The following LEPR variants were observed in gnomAD, a reference collection of about 807,000 sequenced individuals.
The protein encoded by LEPR is OB receptor.
In LEPR, 56 loss-of-function variants were observed where a neutral mutation model predicts 114.7. The ratio of observed to expected loss-of-function variants is 0.49; its 90% confidence interval spans 0.39 to 0.61. The LOEUF is 0.61. Among genes scored for constraint, LEPR ranks in the 20% least tolerant of loss-of-function variants. The pLI is 0.00. For synonymous variants in LEPR, 443 were observed against 461.4 expected (o/e 0.96, Z 0.51); for missense variants, 1,202 against 1,352.9 (o/e 0.89, Z 1.75).
intron 3 of LEPR, among the ~76,000 whole-genome samples, chr1:65,570,143 G>A (rs1188012788): frequency 1.3e-5 from 2 of 152,178 alleles, no homozygotes; most frequent in African/African-American, 4.8e-5. Flanking sequence ...AGAATAATAT[G>A]CTTTAGAAAG....
At chr1:65,539,926 T>C (rs1159101028) in intron 2 of LEPR, among the ~76,000 whole-genome samples, 1 of 152,192 alleles carries the variant, frequency 6.6e-6, no homozygotes, top group Non-Finnish European at 1.5e-5. Flanking sequence ...TGGTCTTGGC[T>C]GTGTGCTTTT....
Position 65,633,241 on chromosome 1 carries a change from T to A in LEPR, c.2674-2950T>A. The A allele has an allele frequency of 6.3e-7, 1 of 1,578,316 alleles. No individual in the cohort carries two copies. Among genetic ancestry groups the A allele is most frequent in the South Asian group, 1.2e-5 (1 of 82,990 alleles). On this transcript the variant is annotated intron_variant, in intron 19 of 19. Transcript: ENST00000349533. The surrounding 1 kb of genome is among the most constrained non-coding windows in gnomAD (Gnocchi z 4.1). ...AACAGTCTATAGAGTATTAGAAGATTTTTACATTTTGAAGAAGGGGAGCAA... is the reference window on the plus strand; with the variant it reads ...AACAGTCTATAGAGTATTAGAAGATATTTACATTTTGAAGAAGGGGAGCAA...
chr1:65,441,768 C>G (rs911033039), intron 2 of LEPR, among the ~76,000 whole-genome samples: 5 of 152,100 alleles, frequency 3.3e-5, no homozygotes, highest in African/African-American at 1.2e-4. Context: ...AGGGCTGGAG[C>G]CTGAGGCTAA....
At chr1:65,632,867 C>T (rs1658579688) in intron 19 of LEPR, among the ~76,000 whole-genome samples, 1 of 151,564 alleles carries the variant, frequency 6.6e-6, no homozygotes, top group Admixed American at 6.6e-5. Context: ...GCTCGTTGTT[C>T]TTCTCTCCTT....
At chr1:65,500,254 A>G (rs956425882) in intron 2 of LEPR, among the ~76,000 whole-genome samples, 2 of 152,150 alleles carry the variant, frequency 1.3e-5, no homozygotes, top group African/African-American at 2.4e-5. Flanking sequence ...TATTTATAAC[A>G]GTGTGAAAAC....
chr1:65,469,171 C>G (rs559251097), intron 2 of LEPR, among the ~76,000 whole-genome samples: 2 of 152,270 alleles, frequency 1.3e-5, no homozygotes, highest in Non-Finnish European at 2.9e-5. Context: ...TCAACCTGAG[C>G]TATGCTGAGT....
intron 2 of LEPR, among the ~76,000 whole-genome samples, chr1:65,484,631 A>T (rs1285291960): frequency 6.6e-6 from 1 of 152,192 alleles, no homozygotes; most frequent in Non-Finnish European, 1.5e-5. Context: ...TGGGTGAGGC[A>T]TAGTGCCATC....
At chr1:65,445,780 A>G (rs1646706689) in intron 2 of LEPR, among the ~76,000 whole-genome samples, 1 of 151,474 alleles carries the variant, frequency 6.6e-6, no homozygotes, top group South Asian at 2.1e-4. Flanking sequence ...AATTTCAACT[A>G]ATATAGAAGA....
chr1:65,438,900 A>G (rs538240078), intron 2 of LEPR, among the ~76,000 whole-genome samples: 1 of 152,276 alleles, frequency 6.6e-6, no homozygotes, highest in South Asian at 2.1e-4. Context: ...AGAACTGCTA[A>G]ACCTCATGTA....
At chr1:65,504,769 T>C (rs1333083025) in intron 2 of LEPR, among the ~76,000 whole-genome samples, 1 of 152,164 alleles carries the variant, frequency 6.6e-6, no homozygotes, top group African/African-American at 2.4e-5. Context: ...AAAAATTATG[T>C]ACCAATATTG....
intron 2 of LEPR, among the ~76,000 whole-genome samples, chr1:65,525,250 G>T (rs1291521495): frequency 6.6e-6 from 1 of 151,604 alleles, no homozygotes; most frequent in Non-Finnish European, 1.5e-5. Flanking sequence ...TTACACAACT[G>T]CTGCTGCAGA....
intron 2 of LEPR, among the ~76,000 whole-genome samples, chr1:65,443,451 A>G (rs1248904431): frequency 6.6e-6 from 1 of 150,644 alleles, no homozygotes; most frequent in Non-Finnish European, 1.5e-5. Context: ...ATATATATAT[A>G]TAATTTTATA....
chr1:65,634,891 G>T (rs1483720686), intron 19 of LEPR: 3 of 820,606 alleles, frequency 3.7e-6, no homozygotes, highest in East Asian at 2.5e-4. Flanking sequence ...AAAAAAAACA[G>T]GCATAGGAAC....
At chr1:65,529,721 C>T (rs980391869) in intron 2 of LEPR, among the ~76,000 whole-genome samples, 4 of 152,140 alleles carry the variant, frequency 2.6e-5, no homozygotes, top group Non-Finnish European at 5.9e-5. Context: ...TTTGCTCATC[C>T]AGTAGTCAGT....
chr1:65,455,531 G>A (rs531888028), intron 2 of LEPR, among the ~76,000 whole-genome samples: 11 of 152,242 alleles, frequency 7.2e-5, no homozygotes, highest in East Asian at 3.9e-4. Flanking sequence ...GTCTGTTGGA[G>A]TACCCGGCCA....
rs191139470 is a variant in LEPR at position 65,610,093 on chromosome 1, C to T, written c.1899C>T (p.Val633=). Residue 633 remains valine (V), a synonymous_variant, in exon 13 of 20, where the codon GTC becomes GTT. Coordinates refer to ENST00000349533, the MANE Select transcript of LEPR (RefSeq NM_002303.6). ...GGAGCAATCCAGCCTACACAGTTGT[C>T]ATGGATATAAAAGGTCTGCAGAGAT... ...SNWSNPAYTV[V]MDIKVPMRGP... 18 of 1,614,156 alleles carry T rather than the reference C, an allele frequency of 1.1e-5. No homozygotes were observed. The East Asian group carries it at 3.6e-4, about 32-fold the overall frequency.
At chr1:65,484,413 G>A (rs746213040) in intron 2 of LEPR, among the ~76,000 whole-genome samples, 1 of 151,542 alleles carries the variant, frequency 6.6e-6, no homozygotes, top group Non-Finnish European at 1.5e-5. Flanking sequence ...AAAAGAGTTC[G>A]TTTATCACAC....
intron 2 of LEPR, among the ~76,000 whole-genome samples, chr1:65,477,731 C>A (rs1647174986): frequency 6.6e-6 from 1 of 152,218 alleles, no homozygotes; most frequent in South Asian, 2.1e-4. Context: ...TTGGTTTTAG[C>A]ACTTGATTGT....
intron 9 of LEPR, 63 bp from the exon 10 acceptor site, chr1:65,601,779 AT>A (rs1489480479): frequency 4.4e-6 from 7 of 1,582,664 alleles, no homozygotes; most frequent in African/African-American, 4.1e-5. Flanking sequence ...GTAAGAAAAA[AT>A]TTTTTTCATT....
Sources: allele counts gnomAD v4.1 joint callset (sites outside exome capture counted in the v4.1 genomes callset), GRCh38; gene constraint gnomAD v4.1.1; non-coding constraint Gnocchi (gnomAD v3.1); transcripts MANE v1.5; gene names NCBI Gene and HGNC (gene_info 2026-07-23, HGNC 2026-07-21).